YAF2: variants seen among roughly 807,000 people sequenced by gnomAD.
YAF2 encodes the protein YY1 associated factor 2, also known as YY1-associated factor 2.
In YAF2, 7 loss-of-function variants were observed where a neutral mutation model predicts 20.1. The ratio of observed to expected loss-of-function variants is 0.35; its 90% confidence interval spans 0.20 to 0.65. The LOEUF is 0.65. Ranked by LOEUF, YAF2 falls within the 30% of genes least tolerant of loss-of-function variation. The pLI is 0.69. For missense variants in YAF2, 151 were observed against 219.2 expected (o/e 0.69, Z 1.96); for synonymous variants, 74 against 76.0 (o/e 0.97, Z 0.14).
chr12:42,198,969 A>G (rs2066828449), intron 2 of YAF2, among the ~76,000 whole-genome samples: 1 of 152,220 alleles, frequency 6.6e-6, no homozygotes, highest in African/African-American at 2.4e-5. Flanking sequence ...AATACTTCAT[A>G]TGAAAAAAAG....
chr12:42,238,036 G>C (rs1004583729), intron 1 of YAF2, 119 bp downstream of exon 1: 10 of 725,494 alleles, frequency 1.4e-5, no homozygotes, highest in African/African-American at 1.9e-5. Flanking sequence ...TCGCACACCA[G>C]CGGCGCTGCC....
intron 2 of YAF2, among the ~76,000 whole-genome samples, chr12:42,191,741 C>T (rs1369813328): frequency 2.0e-5 from 3 of 152,098 alleles, no homozygotes; most frequent in Non-Finnish European, 4.4e-5. Flanking sequence ...CATTTTTCCC[C>T]ACCCTGCCCA....
In YAF2 at chr12:42,158,868, A is replaced by G. The variant is rs1052918653; in HGVS notation, c.*1721T>C. 6.6e-5 allele frequency: 10 copies of G among 152,146 alleles called. No individual in the cohort carries two copies. Among genetic ancestry groups the G allele is most frequent in the African/African-American group, 2.4e-4 (10 of 41,448 alleles). The allele number at this position is 152,146 out of a possible 1,614,324, so 9.4% of individuals were successfully genotyped here. ...AATATTTTCCCTATTACATTTTTAAATTTTTACTATCTCCAAAAATGTATA... is the reference window on the plus strand; with the variant it reads ...AATATTTTCCCTATTACATTTTTAAGTTTTTACTATCTCCAAAAATGTATA... On this transcript the variant is annotated 3_prime_UTR_variant, in exon 4 of 4. Transcript: ENST00000534854.
At chr12:42,207,848 G>A (rs1037704088) in intron 2 of YAF2, among the ~76,000 whole-genome samples, 3 of 152,100 alleles carry the variant, frequency 2.0e-5, no homozygotes, top group Admixed American at 6.5e-5. Flanking sequence ...CCGAGATCGT[G>A]CCACTGCACT....
rs1011593190 is a variant in YAF2, at chr12:42,159,219, T to A, written c.*1370A>T. The A allele has an allele frequency of 1.4e-4, 21 of 152,282 alleles. No homozygotes were observed. Among genetic ancestry groups the A allele is most frequent in the Non-Finnish European group, 2.2e-4 (15 of 67,966 alleles). 9.4% of individuals were successfully genotyped at this position (152,282 alleles called of 1,614,324 possible). On this transcript the variant is annotated 3_prime_UTR_variant, in exon 4 of 4. Transcript: ENST00000534854. ...TGTTAGGGTCTACAGTTTTATTTTT[T>A]CTTCAAATGTTATCATGATGTCTTA...
At chr12:42,182,988 A>T (rs550227534) in intron 2 of YAF2, among the ~76,000 whole-genome samples, 3 of 152,214 alleles carry the variant, frequency 2.0e-5, no homozygotes, top group South Asian at 2.1e-4. Context: ...TTTTTCCAAC[A>T]GCATGTAAAA....
chr12:42,191,369 A>G (rs2066608059), intron 2 of YAF2, among the ~76,000 whole-genome samples: 1 of 151,696 alleles, frequency 6.6e-6, no homozygotes, highest in Admixed American at 6.6e-5. Context: ...ATATGAATCC[A>G]CTGACTTTTT....
At chr12:42,188,877 C>T (rs982925872) in intron 2 of YAF2, among the ~76,000 whole-genome samples, 1 of 152,264 alleles carries the variant, frequency 6.6e-6, no homozygotes, top group Middle Eastern at 3.4e-3. Flanking sequence ...TGGTTCTTAT[C>T]TCATCATGGA....
rs919161955 is a variant in YAF2, at chr12:42,227,144, C to A, written c.152+10455G>T. Among the ~76,000 whole-genome samples the A allele has an allele frequency of 3.0e-3, 437 of 145,802 alleles. 6 individuals carry two copies. Among genetic ancestry groups the A allele is most frequent in the South Asian group, 8.7e-3 (40 of 4,584 alleles). ...TCTTTGCCGCCGCGCCGGCGAGCGC[C>A]GCCCGGGAGGCAGCGGCTGGAGGAG... On this transcript the variant is annotated intron_variant, in intron 2 of 3. Transcript: ENST00000534854.
intron 2 of YAF2, among the ~76,000 whole-genome samples, chr12:42,194,520 T>C (rs1391622191): frequency 2.0e-5 from 3 of 152,214 alleles, no homozygotes; most frequent in Non-Finnish European, 2.9e-5. Flanking sequence ...GGCAAGCGCC[T>C]GTAATCCCAG....
intron 2 of YAF2, among the ~76,000 whole-genome samples, chr12:42,171,691 C>T (rs940134605): frequency 2.6e-5 from 4 of 151,984 alleles, no homozygotes; most frequent in African/African-American, 7.3e-5. Context: ...TGGTAGCTCA[C>T]GCCTATAATC....
intron 2 of YAF2, among the ~76,000 whole-genome samples, chr12:42,218,860 G>T (rs952314184): frequency 2.6e-5 from 4 of 152,030 alleles, no homozygotes; most frequent in African/African-American, 9.7e-5. Flanking sequence ...CTAAGAAGAT[G>T]AGTGGGGGGA....
chr12:42,235,081 T>C, intron 2 of YAF2: 2 of 985,598 alleles, frequency 2.0e-6, no homozygotes, highest in Non-Finnish European at 2.4e-6. Flanking sequence ...TTCAAATGTC[T>C]AGAATGGCTT....
At chr12:42,236,305 C>A (rs1308574483) in intron 2 of YAF2, among the ~76,000 whole-genome samples, 1 of 152,156 alleles carries the variant, frequency 6.6e-6, no homozygotes, top group East Asian at 1.9e-4. Context: ...AAAATAGTAA[C>A]CACAATCATT....
At chr12:42,217,022 C>T (rs557031314) in intron 2 of YAF2, among the ~76,000 whole-genome samples, 10 of 152,198 alleles carry the variant, frequency 6.6e-5, no homozygotes, top group African/African-American at 2.4e-4. Flanking sequence ...ATCTGGCATT[C>T]CCCTTGTTCA....
At chr12:42,201,193 C>T (rs1342322839) in intron 2 of YAF2, among the ~76,000 whole-genome samples, 1 of 152,146 alleles carries the variant, frequency 6.6e-6, no homozygotes, top group East Asian at 1.9e-4. Flanking sequence ...TATCCATGTA[C>T]ATTCCTCCTT....
At chr12:42,212,304 C>T (rs1328115970) in intron 2 of YAF2, 1 of 170,650 alleles carries the variant, frequency 5.9e-6, no homozygotes, top group African/African-American at 2.4e-5. Context: ...TAACTGAATA[C>T]ACATTAATCA....
At chr12:42,208,725 T>A (rs1466711900) in intron 2 of YAF2, among the ~76,000 whole-genome samples, 1 of 152,194 alleles carries the variant, frequency 6.6e-6, no homozygotes, top group African/African-American at 2.4e-5. Context: ...GGGTAAGACT[T>A]GCCTCAACTC....
At chr12:42,230,239 G>C (rs1318511322) in intron 2 of YAF2, among the ~76,000 whole-genome samples, 1 of 151,796 alleles carries the variant, frequency 6.6e-6, no homozygotes, top group African/African-American at 2.4e-5. Flanking sequence ...CCTGGCGACA[G>C]AGCAAGACTC....
Sources: allele counts gnomAD v4.1 joint callset (sites outside exome capture counted in the v4.1 genomes callset), GRCh38; gene constraint gnomAD v4.1.1; transcripts MANE v1.5; gene names NCBI Gene and HGNC (gene_info 2026-07-23, HGNC 2026-07-21).